Variants in TMC5 observed in about 807,000 individuals in gnomAD.
TMC5 encodes transmembrane channel like 5.
In TMC5, 86 loss-of-function variants were observed where a neutral mutation model predicts 110.5. The ratio of observed to expected loss-of-function variants is 0.78; its 90% CI spans 0.65 to 0.93. TMC5 has a LOEUF of 0.93. Ranked by LOEUF, TMC5 falls within the 40% of genes least tolerant of loss-of-function variation. The probability of loss-of-function intolerance (pLI) is 0.00; values close to 1 mark genes in which losing one functional copy is unlikely to be tolerated. For synonymous variants in TMC5, 455 were observed against 439.5 expected (o/e 1.04, Z -0.44); for missense variants, 1,144 against 1,222.8 (o/e 0.94, Z 0.96).
chr16:19,436,529 G>T (rs1206178421), intron 2 of TMC5, among the ~76,000 whole-genome samples: 10 of 152,108 alleles, frequency 6.6e-5, no homozygotes, highest in Admixed American at 5.9e-4. Context: ...TTTCTTGTTA[G>T]GAAAAGTAAT....
intron 14 of TMC5, 82 bp downstream of exon 14, chr16:19,479,610 G>A (rs2143688121): frequency 1.0e-6 from 1 of 957,998 alleles, no homozygotes; most frequent in Non-Finnish European, 1.7e-6. Context: ...ACATACAGGT[G>A]CCTGACATAC....
In TMC5 at chr16:19,439,999, G is replaced by C; in HGVS notation, c.-40G>C. The stretch of plus-strand genomic sequence containing the variant: ...AGATCCCTGAGTAATTGCAAATGCT[G>C]GGACAGTTTACCACTCCAGGGTGAA... On this transcript the variant is annotated 5_prime_UTR_variant, in exon 3 of 22. Coordinates refer to ENST00000542583, the MANE Select transcript of TMC5 (RefSeq NM_001261841.2). 6.7e-7 allele frequency: 1 copy of C among 1,502,630 alleles called. No individual in the cohort carries two copies. The highest frequency in any genetic ancestry group is 9.0e-7 in the Non-Finnish European group (1 of 1,106,586). 93.1% of individuals were successfully genotyped at this position (1,502,630 alleles called of 1,614,324 possible). A position where few individuals can be genotyped will look rare whatever the true frequency, so the allele number is the denominator to read the frequency against.
At chr16:19,492,675 A>G (rs1968937282) in intron 19 of TMC5, among the ~76,000 whole-genome samples, 1 of 151,536 alleles carries the variant, frequency 6.6e-6, no homozygotes, top group Non-Finnish European at 1.5e-5. Flanking sequence ...CGAACTGCTG[A>G]CCTCAGGTGA....
chr16:19,477,202 C>G (rs552075685), intron 12 of TMC5: 1 of 349,434 alleles, frequency 2.9e-6, no homozygotes, highest in South Asian at 2.4e-5. Flanking sequence ...GAGCTGAGAT[C>G]GCGCCACTGC....
chr16:19,451,590 G>A (rs566759520), intron 5 of TMC5, among the ~76,000 whole-genome samples: 1 of 151,996 alleles, frequency 6.6e-6, no homozygotes, highest in Non-Finnish European at 1.5e-5. Flanking sequence ...AACACAGAAG[G>A]CTTCTGTGAA....
intron 14 of TMC5, among the ~76,000 whole-genome samples, chr16:19,480,869 A>G (rs541437940): frequency 2.9e-5 from 4 of 139,098 alleles, no homozygotes; most frequent in African/African-American, 1.1e-4. Context: ...TTAAATTGGC[A>G]ACTCATCTTT....
rs1969109128 is a variant in TMC5 at position 19,498,357 on chromosome 16, T to C, written c.*391T>C. 5.0e-6 allele frequency: 1 copy of C among 201,034 alleles called. No individual in the cohort carries two copies. The highest frequency in any genetic ancestry group is 2.4e-5 in the African/African-American group (1 of 42,024). The allele number at this position is 201,034 out of a possible 1,614,324, so 12.5% of individuals were successfully genotyped here. A position where few individuals can be genotyped will look rare whatever the true frequency, so the allele number is the denominator to read the frequency against. On this transcript the variant is annotated 3_prime_UTR_variant, in exon 22 of 22. Coordinates refer to ENST00000542583, the MANE Select transcript of TMC5 (RefSeq NM_001261841.2). ...CTGGCAAAGGTTTAGAAACTGTTGC[T>C]AAGAAAAGTGGTCCATCCTGAATAA...
chr16:19,418,497 C>T (rs1966906539), intron 1 of TMC5, among the ~76,000 whole-genome samples: 4 of 152,016 alleles, frequency 2.6e-5, no homozygotes, highest in East Asian at 1.9e-4. Flanking sequence ...ATAAATGTGA[C>T]CTCTATGTCT....
rs1464106425 is a variant in TMC5, at chr16:19,498,438, T to C, written c.*472T>C. ...CTCTGAATTGTAGAACCTGCATTTA[T>C]TTGTGACTTTGAACTAAAGACATCC... On this transcript the variant is annotated 3_prime_UTR_variant, in exon 22 of 22. Transcript: ENST00000542583. 3 of 160,366 alleles carry C rather than the reference T, an allele frequency of 1.9e-5. No individual in the cohort carries two copies. The highest frequency in any genetic ancestry group is 2.7e-5 in the Non-Finnish European group (2 of 73,964). 9.9% of individuals were successfully genotyped at this position (160,366 alleles called of 1,614,324 possible).
At chr16:19,453,811 A>G (rs1967803901) in intron 5 of TMC5, among the ~76,000 whole-genome samples, 1 of 152,094 alleles carries the variant, frequency 6.6e-6, no homozygotes, top group Admixed American at 6.6e-5. Flanking sequence ...GATAAAGTAT[A>G]GCTTTGATGA....
chr16:19,413,416 C>T (rs181530498), upstream of TMC5, among the ~76,000 whole-genome samples: 2,342 of 151,130 alleles, frequency 0.015, 66 homozygotes, highest in Non-Finnish European at 0.016. Context: ...TCCAGCTACT[C>T]GGGAGGCTGA....
At chr16:19,487,358 G>C (rs528279405) in intron 17 of TMC5, 32 bp downstream of exon 17, 1 of 1,602,534 alleles carries the variant, frequency 6.2e-7, no homozygotes, top group Admixed American at 1.7e-5. Flanking sequence ...GGAGGTTTTA[G>C]AGACTGGGTG....
intron 5 of TMC5, among the ~76,000 whole-genome samples, 178 bp from the exon 6 acceptor site, chr16:19,460,057 C>T (rs1017373683): frequency 6.6e-6 from 1 of 152,048 alleles, no homozygotes; most frequent in Admixed American, 6.6e-5. Flanking sequence ...CATTTGCTCT[C>T]ACTTTGAGCT....
chr16:19,448,420 C>A (rs1967667004), intron 4 of TMC5, among the ~76,000 whole-genome samples: 1 of 151,598 alleles, frequency 6.6e-6, no homozygotes, highest in Admixed American at 6.6e-5. Flanking sequence ...AAGTTCGAGA[C>A]CAGCCTGGAT....
At chr16:19,422,058 G>A (rs531739903) in intron 1 of TMC5, among the ~76,000 whole-genome samples, 10 of 151,866 alleles carry the variant, frequency 6.6e-5, no homozygotes, top group Admixed American at 5.2e-4. Flanking sequence ...GTGAAACCCC[G>A]TCTCTATTAA....
At chr16:19,479,372 G>GGAGA in intron 13 of TMC5, 59 bp from the exon 14 acceptor site, 1 of 1,257,050 alleles carries the variant, frequency 8.0e-7, no homozygotes, top group South Asian at 1.2e-5. Flanking sequence ...CAGGAACAGA[G>GGAGA]GAGAATTGAG....
intron 12 of TMC5, among the ~76,000 whole-genome samples, chr16:19,474,588 G>A (rs900885246): frequency 1.3e-5 from 2 of 152,110 alleles, no homozygotes. Context: ...GAGGTGAGAG[G>A]ATCACTTGAT....
At chr16:19,420,624 G>A (rs1192525977) in intron 1 of TMC5, among the ~76,000 whole-genome samples, 1 of 151,984 alleles carries the variant, frequency 6.6e-6, no homozygotes, top group African/African-American at 2.4e-5. Flanking sequence ...ACTGTGCTCA[G>A]CTAATTTTTA....
At chr16:19,437,101 G>A (rs1228932754) in intron 2 of TMC5, among the ~76,000 whole-genome samples, 1 of 152,168 alleles carries the variant, frequency 6.6e-6, no homozygotes, top group Non-Finnish European at 1.5e-5. Context: ...CCTACGCTTG[G>A]GAGGTCGAGG....
Sources: allele counts gnomAD v4.1 joint callset (sites outside exome capture counted in the v4.1 genomes callset), GRCh38; gene constraint gnomAD v4.1.1; transcripts MANE v1.5; gene names NCBI Gene and HGNC (gene_info 2026-07-23, HGNC 2026-07-21).